The following OCA2 variants were observed in gnomAD, a reference collection of about 807,000 sequenced individuals.
OCA2 encodes the protein OCA2 melanosomal transmembrane protein, also known as P protein.
A neutral mutation model predicts 100.2 loss-of-function variants in OCA2; 77 were observed. The ratio of observed to expected loss-of-function variants is 0.77; its 90% confidence interval spans 0.64 to 0.93. OCA2 has a LOEUF of 0.93. OCA2 is among the 40% of genes least tolerant of loss of function. The pLI is 0.00. For missense variants in OCA2, 1,062 were observed against 1,089.1 expected, an observed-to-expected ratio of 0.98 and a Z score of 0.35; for synonymous variants, 432 against 439.2, an observed-to-expected ratio of 0.98 and a Z score of 0.21.
intron 23 of OCA2, among the ~76,000 whole-genome samples, chr15:27,837,922 T>G (rs979158879): frequency 6.7e-6 from 1 of 148,468 alleles, no homozygotes; most frequent in Non-Finnish European, 1.5e-5. Flanking sequence ...TTACAGAGAC[T>G]GCTCTCCACC....
chr15:27,983,238 G>A (rs572333266), intron 14 of OCA2, 107 bp downstream of exon 14: 2 of 1,346,908 alleles, frequency 1.5e-6, no homozygotes, highest in African/African-American at 1.4e-5. Context: ...CTGTGAAGAG[G>A]TGGCGTGATG....
At chr15:28,091,519 A>C (rs1299362411) in intron 1 of OCA2, among the ~76,000 whole-genome samples, 1 of 152,238 alleles carries the variant, frequency 6.6e-6, no homozygotes, top group African/African-American at 2.4e-5. Context: ...ATGTTCAAAA[A>C]TCAATCAATG....
At chr15:28,045,127 T>C (rs2043310824) in intron 2 of OCA2, among the ~76,000 whole-genome samples, 1 of 152,232 alleles carries the variant, frequency 6.6e-6, no homozygotes, top group Admixed American at 6.5e-5. Context: ...TTTTCTGCCT[T>C]ATTTTGCATT....
chr15:27,891,054 C>G (rs973415375), intron 19 of OCA2, among the ~76,000 whole-genome samples: 4 of 150,936 alleles, frequency 2.7e-5, no homozygotes, highest in Non-Finnish European at 4.4e-5. Flanking sequence ...TTTGGAGCAT[C>G]AGGAAGCAAA....
intron 21 of OCA2, among the ~76,000 whole-genome samples, chr15:27,856,031 A>G (rs1184432872): frequency 3.9e-5 from 6 of 152,144 alleles, no homozygotes; most frequent in Admixed American, 1.3e-4. Context: ...GTGCTCTCTG[A>G]TGGCTCTAGG....
chr15:27,931,130 G>A (rs2703964), intron 18 of OCA2, among the ~76,000 whole-genome samples: 8,114 of 151,940 alleles, frequency 0.053, 735 homozygotes, highest in African/African-American at 0.19. Context: ...GGATCAGGCC[G>A]GCTTGCAACT....
intron 22 of OCA2, among the ~76,000 whole-genome samples, chr15:27,846,732 T>C (rs2035552145): frequency 6.6e-6 from 1 of 151,968 alleles, no homozygotes; most frequent in South Asian, 2.1e-4. Context: ...CTCAGGAGGC[T>C]ATTTTGGTCC....
chr15:27,806,042 T>G (rs1280496830), intron 23 of OCA2, among the ~76,000 whole-genome samples: 2 of 152,246 alleles, frequency 1.3e-5, no homozygotes, highest in African/African-American at 4.8e-5. Flanking sequence ...GGTTTGTGAC[T>G]ATTTAGAAAG....
At chr15:28,007,579 A>C (rs1004607071) in intron 9 of OCA2, among the ~76,000 whole-genome samples, 1 of 152,114 alleles carries the variant, frequency 6.6e-6, no homozygotes, top group Non-Finnish European at 1.5e-5. Flanking sequence ...AGATACAAAA[A>C]ATTAGCCGGG....
chr15:28,094,406 G>A (rs904090075), intron 1 of OCA2, among the ~76,000 whole-genome samples: 48 of 152,182 alleles, frequency 3.2e-4, no homozygotes, highest in African/African-American at 1.1e-3. Flanking sequence ...AGGGGTAGGG[G>A]AGCTGTAAGC....
chr15:28,041,515 T>C (rs1049781789), intron 2 of OCA2, among the ~76,000 whole-genome samples: 3 of 152,158 alleles, frequency 2.0e-5, no homozygotes, highest in African/African-American at 7.2e-5. Context: ...GTATTGGAAG[T>C]TCTAGCCAGA....
At chr15:27,726,299 A>AT in the OCA2 span, among the ~76,000 whole-genome samples, 1 of 130,456 alleles carries the variant, frequency 7.7e-6, no homozygotes, top group Non-Finnish European at 1.7e-5. Flanking sequence ...CTCCAGCTCA[A>AT]AAAATAAATA....
At chr15:27,933,349 T>C (rs1326424513) in intron 18 of OCA2, among the ~76,000 whole-genome samples, 1 of 148,476 alleles carries the variant, frequency 6.7e-6, no homozygotes, top group East Asian at 1.9e-4. Flanking sequence ...AGAAGGTAGA[T>C]TAAGAGATTA....
chr15:28,000,843 C>T (rs2041903247), intron 9 of OCA2, among the ~76,000 whole-genome samples: 1 of 152,116 alleles, frequency 6.6e-6, no homozygotes, highest in African/African-American at 2.4e-5. Flanking sequence ...AAATGGCCCC[C>T]AGGTACATGA....
chr15:27,792,976 G>A (rs952916053), intron 23 of OCA2, among the ~76,000 whole-genome samples: 1 of 152,236 alleles, frequency 6.6e-6, no homozygotes, highest in African/African-American at 2.4e-5. Context: ...AGGAGGGGCG[G>A]CCAGGGCACT....
At chr15:27,877,772 T>C (rs2036851763) in intron 19 of OCA2, among the ~76,000 whole-genome samples, 1 of 152,002 alleles carries the variant, frequency 6.6e-6, no homozygotes, top group South Asian at 2.1e-4. Context: ...CAGCATATAT[T>C]AGAGCCTTAC....
intron 2 of OCA2, among the ~76,000 whole-genome samples, chr15:28,055,517 G>A (rs2043664377): frequency 6.6e-6 from 1 of 152,210 alleles, no homozygotes; most frequent in South Asian, 2.1e-4. Context: ...AACATCCATG[G>A]AAGTGTGCTC....
At position 27,926,156 on chromosome 15, in the gene OCA2, A is replaced by T. The variant is rs760177484; in HGVS notation, c.2050T>A (p.Phe684Ile). 1 of 1,614,156 alleles carries T rather than the reference A, an allele frequency of 6.2e-7. No individual in the cohort carries two copies. The highest frequency in any genetic ancestry group is 8.5e-7 in the Non-Finnish European group (1 of 1,179,996). Residue 684 changes from phenylalanine to isoleucine, a missense_variant, in exon 19 of 24, where the codon TTT (phenylalanine) becomes ATT (isoleucine). By Grantham distance (21) the Phe-to-Ile change is conservative. Transcript: ENST00000354638. ...ATCAGAACAAAGAGCGCTGCAAAAAACAGAAGGGTTGCCCATTCCACTCTG... is the reference window on the plus strand; with the variant it reads ...ATCAGAACAAAGAGCGCTGCAAAAATCAGAAGGGTTGCCCATTCCACTCTG... ...LHRVEWATLL[F>I]FAALFVLMEA...
chr15:27,795,179 TTAAA>T (rs2033275769), intron 23 of OCA2, among the ~76,000 whole-genome samples: 1 of 152,180 alleles, frequency 6.6e-6, no homozygotes, highest in African/African-American at 2.4e-5. Context: ...TGAAAAGAGT[TTAAA>T]TAAGCACATT....
Sources: allele counts gnomAD v4.1 joint callset (sites outside exome capture counted in the v4.1 genomes callset), GRCh38; gene constraint gnomAD v4.1.1; transcripts MANE v1.5; gene names NCBI Gene and HGNC (gene_info 2026-07-23, HGNC 2026-07-21).